Variants in ARSJ observed in about 807,000 individuals in gnomAD.
ARSJ encodes the protein arylsulfatase J.
A neutral mutation model predicts 35.9 loss-of-function variants in ARSJ; 26 were observed. The observed-to-expected ratio is 0.72, with a 90% CI of 0.53 to 1.00. The LOEUF is 1.00. Ranked by LOEUF, ARSJ falls within the 50% of genes least tolerant of loss-of-function variation. The pLI, the probability that ARSJ is intolerant of heterozygous loss-of-function variation, is 0.00. For synonymous variants in ARSJ, 294 were observed against 267.6 expected, an observed-to-expected ratio of 1.10 and a Z score of -0.96; for missense variants, 667 against 723.6, an observed-to-expected ratio of 0.92 and a Z score of 0.90.
At chr4:113,920,788 T>C (rs1422199562) in intron 1 of ARSJ, among the ~76,000 whole-genome samples, 1 of 152,170 alleles carries the variant, frequency 6.6e-6, no homozygotes, top group African/African-American at 2.4e-5. Flanking sequence ...AAGCATTTTA[T>C]ATACATCATC....
At chr4:113,942,727 G>A (rs1725234171) in intron 1 of ARSJ, among the ~76,000 whole-genome samples, 1 of 152,008 alleles carries the variant, frequency 6.6e-6, no homozygotes, top group Non-Finnish European at 1.5e-5. Flanking sequence ...TAGAATTTCA[G>A]AGGTTTTTCT....
rs371806873 is a variant in ARSJ, at chr4:113,903,182, A to G, written c.892T>C (p.Ser298Pro). Reference protein sequence around the residue: ...INRRRYAAMLSCLDEAINNVT... With the variant: ...INRRRYAAMLPCLDEAINNVT... ...TTGTTGATTGCTTCATCTAAGCAGG[A>G]AAGCATGGCAGCATATCTCCTCCTG... The change falls in exon 2 of 2, where the codon TCC becomes CCC. Residue 298 changes from serine to proline, a missense_variant. Transcript: ENST00000315366. 21 of 1,614,100 alleles carry G rather than the reference A, an allele frequency of 1.3e-5. No individual in the cohort carries two copies. The highest frequency in any genetic ancestry group is 1.8e-5 in the Non-Finnish European group (21 of 1,180,038).
intron 1 of ARSJ, among the ~76,000 whole-genome samples, chr4:113,924,900 C>T (rs1206954676): frequency 6.6e-6 from 1 of 152,090 alleles, no homozygotes; most frequent in Non-Finnish European, 1.5e-5. Context: ...ATTACCTTTG[C>T]CCTCTGCAAG....
At chr4:113,907,684 A>T (rs2099669181) in intron 1 of ARSJ, among the ~76,000 whole-genome samples, 1 of 152,204 alleles carries the variant, frequency 6.6e-6, no homozygotes, top group Non-Finnish European at 1.5e-5. Context: ...CCTGGAATCA[A>T]CCTGAATCCC....
At chr4:113,908,626 C>A (rs1485440727) in intron 1 of ARSJ, among the ~76,000 whole-genome samples, 1 of 151,942 alleles carries the variant, frequency 6.6e-6, no homozygotes, top group Non-Finnish European at 1.5e-5. Context: ...AGTAATAATC[C>A]CATTATGTTA....
chr4:113,973,791 C>T (rs1017746630), intron 1 of ARSJ, among the ~76,000 whole-genome samples: 4 of 152,180 alleles, frequency 2.6e-5, no homozygotes, highest in Non-Finnish European at 5.9e-5. Context: ...TACATCTATA[C>T]TCTCTCTTCT....
intron 1 of ARSJ, among the ~76,000 whole-genome samples, chr4:113,960,569 GA>G (rs565785155): frequency 4.6e-5 from 7 of 151,560 alleles, no homozygotes; most frequent in South Asian, 2.1e-4. Context: ...ATAATTTGTA[GA>G]AAAAAAAGAA....
At chr4:113,966,754 C>T (rs1327702307) in intron 1 of ARSJ, among the ~76,000 whole-genome samples, 1 of 152,192 alleles carries the variant, frequency 6.6e-6, no homozygotes, top group African/African-American at 2.4e-5. Context: ...TTGCCACCCA[C>T]ATTTTTGTTG....
At chr4:113,929,087 G>C (rs901888051) in intron 1 of ARSJ, among the ~76,000 whole-genome samples, 5 of 152,114 alleles carry the variant, frequency 3.3e-5, no homozygotes, top group African/African-American at 1.2e-4. Flanking sequence ...AAGAAATTTA[G>C]CCTGATCCAA....
chr4:113,935,359 G>C (rs1438313040), intron 1 of ARSJ, among the ~76,000 whole-genome samples: 3 of 151,804 alleles, frequency 2.0e-5, no homozygotes, highest in African/African-American at 7.2e-5. Flanking sequence ...AACATTTATT[G>C]AGCAACTTCT....
intron 1 of ARSJ, among the ~76,000 whole-genome samples, chr4:113,953,196 G>A (rs185257227): frequency 2.6e-5 from 4 of 152,114 alleles, no homozygotes; most frequent in Non-Finnish European, 4.4e-5. Flanking sequence ...GGACAATACC[G>A]TATTCTGATT....
chr4:113,978,585 CCG>C lies in ARSJ; in HGVS notation c.248_249del (p.Ala83GlyfsTer2), dbSNP rs754684427. On this transcript the variant is annotated frameshift_variant, in exon 1 of 2. Coordinates refer to ENST00000315366, the MANE Select transcript of ARSJ (RefSeq NM_024590.4). LOFTEE classifies it high-confidence loss of function. ...CCCACATCTCTAAATCCCTGATCAT[CCG>C]CTAGGATGAAAATGAGATGGGGCTG... The part of the protein sequence containing the change: ...TSQPHLIFIL[A>X]DDQGFRDVGY... 3 of 1,614,086 alleles carry C rather than the reference CCG, an allele frequency of 1.9e-6. No individual in the cohort carries two copies. In the East Asian group the frequency reaches 6.7e-5, roughly 36 times the overall value.
chr4:113,934,934 TTTTCC>T (rs549385463), intron 1 of ARSJ, among the ~76,000 whole-genome samples: 24 of 151,940 alleles, frequency 1.6e-4, no homozygotes, highest in African/African-American at 4.6e-4. Context: ...ACTAAACCAC[TTTTCC>T]AGTGCAAATC....
intron 1 of ARSJ, among the ~76,000 whole-genome samples, chr4:113,931,158 T>G (rs1043061352): frequency 3.3e-5 from 5 of 150,830 alleles, no homozygotes; most frequent in African/African-American, 1.2e-4. Context: ...ACATGTACCC[T>G]AAAACATAAA....
intron 1 of ARSJ, chr4:113,906,868 G>C (rs2099668901): frequency 2.9e-6 from 1 of 342,274 alleles, no homozygotes. Context: ...TGCTGAATCG[G>C]TGTCACTAAC....
At chr4:113,958,871 T>C (rs1226801954) in intron 1 of ARSJ, among the ~76,000 whole-genome samples, 1 of 152,022 alleles carries the variant, frequency 6.6e-6, no homozygotes, top group Non-Finnish European at 1.5e-5. Context: ...TATCCTCTCT[T>C]GGAACCCGCT....
At chr4:113,971,387 G>A (rs7673392) in intron 1 of ARSJ, among the ~76,000 whole-genome samples, 350 of 152,138 alleles carry the variant, frequency 2.3e-3, no homozygotes, top group African/African-American at 7.8e-3. Context: ...CAGCTATTTC[G>A]GAAACTCAAT....
Position 113,901,322 on chromosome 4 carries a change from A to C in ARSJ, c.*952T>G, listed in dbSNP as rs934105364. On this transcript the variant is annotated 3_prime_UTR_variant, in exon 2 of 2. Coordinates refer to ENST00000315366, the MANE Select transcript of ARSJ (RefSeq NM_024590.4). ...AATATATTCATCTTATTACATTCAA[A>C]ATCTTGGTTGAACAATGACGATTAT... 3 of 152,216 alleles carry C rather than the reference A, an allele frequency of 2.0e-5. No homozygotes were observed. The South Asian group carries it at 6.2e-4, about 31-fold the overall frequency. The allele number at this position is 152,216 out of a possible 1,614,324, so 9.4% of individuals were successfully genotyped here. A position where few individuals can be genotyped will look rare whatever the true frequency, so the allele number is the denominator to read the frequency against.
intron 1 of ARSJ, 117 bp downstream of exon 1, chr4:113,978,320 C>CA: frequency 1.0e-6 from 1 of 953,806 alleles, no homozygotes; most frequent in Non-Finnish European, 1.6e-6. Context: ...TTCATTCATT[C>CA]TTCATTCATT....
Sources: gnomAD v4.1 joint callset for allele counts (sites outside exome capture counted in the v4.1 genomes callset) on GRCh38, gnomAD v4.1.1 for gene constraint, MANE v1.5 for transcripts, NCBI Gene and HGNC (gene_info 2026-07-23, HGNC 2026-07-21) for gene names.